The following NF1 variants were observed in gnomAD, a reference collection of about 807,000 sequenced individuals.
NF1 encodes the protein neurofibromin.
A neutral mutation model predicts 325.7 loss-of-function variants in NF1; 122 were observed. The observed-to-expected ratio is 0.37, with a 90% CI of 0.32 to 0.44. The LOEUF is 0.44. Among genes scored for constraint, NF1 ranks in the 20% least tolerant of loss-of-function variants. The pLI is 1.00. For missense variants in NF1, 2,140 were observed against 3,415.4 expected (o/e 0.63, Z 9.31); for synonymous variants, 1,091 against 1,186.0 (o/e 0.92, Z 1.65).
chr17:31,126,423 A>G (rs2143427939), intron 1 of NF1, among the ~76,000 whole-genome samples: 1 of 152,120 alleles, frequency 6.6e-6, no homozygotes. Context: ...ATTGATTCAT[A>G]GCAATTTTTT....
At chr17:31,130,024 G>A (rs1567802698) in intron 1 of NF1, among the ~76,000 whole-genome samples, 1 of 151,540 alleles carries the variant, frequency 6.6e-6, no homozygotes, top group African/African-American at 2.4e-5. Context: ...TCTTGTGTTG[G>A]TGCTTTGTCA....
chr17:31,218,642 G>C (rs2066866090), intron 13 of NF1, among the ~76,000 whole-genome samples: 1 of 151,728 alleles, frequency 6.6e-6, no homozygotes, highest in Admixed American at 6.6e-5. Context: ...TGCAATCTTG[G>C]CTCACTGCAA....
rs530271471 is a variant in NF1 at position 31,135,235 on chromosome 17, G to T, written c.61-20748G>T. 5.3e-5 allele frequency among the ~76,000 whole-genome samples: 8 copies of T among 152,290 alleles called. No homozygotes were observed. In the East Asian group the frequency reaches 1.4e-3, roughly 26 times the overall value. On this transcript the variant is annotated intron_variant, in intron 1 of 57. Coordinates refer to ENST00000358273, the MANE Select transcript of NF1 (RefSeq NM_001042492.3). ...TTGCAGATGTGTCAGTTTTGTGTGT[G>T]TGTTATTAGGTGCATAGAGGCTTAC... is the stretch of plus-strand genomic sequence containing the variant.
chr17:31,321,743 C>CT (rs1171063204), intron 36 of NF1: 2 of 151,464 alleles, frequency 1.3e-5, no homozygotes, highest in Non-Finnish European at 2.9e-5. Context: ...AAAGCTCCAA[C>CT]TTCTCTAGTT....
At chr17:31,325,424 A>C (rs2069316245) in intron 36 of NF1, among the ~76,000 whole-genome samples, 1 of 152,208 alleles carries the variant, frequency 6.6e-6, no homozygotes, top group South Asian at 2.1e-4. Flanking sequence ...TTGCTGAATC[A>C]GTCTGTGATC....
chr17:31,110,176 T>C (rs932290469), intron 1 of NF1, among the ~76,000 whole-genome samples: 30 of 152,154 alleles, frequency 2.0e-4, no homozygotes, highest in African/African-American at 5.8e-4. Flanking sequence ...TGGTATTTAA[T>C]AGGTCACAGT....
intron 35 of NF1, among the ~76,000 whole-genome samples, chr17:31,263,553 TC>T (rs1164661640): frequency 2.0e-5 from 3 of 151,032 alleles, no homozygotes; most frequent in Non-Finnish European, 4.4e-5. Context: ...ACTGAGGACA[TC>T]CTAGCCATTT....
At chr17:31,318,499 A>G (rs370967268) in intron 36 of NF1, 2 of 1,614,006 alleles carry the variant, frequency 1.2e-6, no homozygotes, top group South Asian at 1.1e-5. Flanking sequence ...ACGCTTGCCT[A>G]CTTGTTTTGA....
chr17:31,167,367 G>A (rs1289124515), intron 4 of NF1, among the ~76,000 whole-genome samples: 1 of 152,176 alleles, frequency 6.6e-6, no homozygotes, highest in African/African-American at 2.4e-5. Context: ...GTTAGCTGTA[G>A]TCTAATTAAA....
At chr17:31,211,343 G>A (rs2066725490) in intron 12 of NF1, among the ~76,000 whole-genome samples, 1 of 152,160 alleles carries the variant, frequency 6.6e-6, no homozygotes, top group Non-Finnish European at 1.5e-5. Context: ...AAATTAAAAG[G>A]TATTTGAGAT....
intron 36 of NF1, among the ~76,000 whole-genome samples, chr17:31,286,390 A>G (rs577522128): frequency 6.6e-6 from 1 of 152,266 alleles, no homozygotes; most frequent in South Asian, 2.1e-4. Flanking sequence ...CACCCAGCCT[A>G]TTTTAATATG....
chr17:31,158,108 T>C (rs899166544), intron 2 of NF1, among the ~76,000 whole-genome samples: 1 of 152,222 alleles, frequency 6.6e-6, no homozygotes, highest in Non-Finnish European at 1.5e-5. Context: ...CCGACCCTTC[T>C]TACCTCTAGT....
intron 36 of NF1, among the ~76,000 whole-genome samples, chr17:31,278,933 A>G (rs2068066755): frequency 6.6e-6 from 1 of 152,154 alleles, no homozygotes; most frequent in Non-Finnish European, 1.5e-5. Flanking sequence ...TCTTTTAAAT[A>G]GGACTTCTAA....
At chr17:31,128,454 T>C (rs1422632724) in intron 1 of NF1, 1 of 152,182 alleles carries the variant, frequency 6.6e-6, no homozygotes. Flanking sequence ...TTTTAGTGTC[T>C]GATAATGTTC....
At chr17:31,287,585 G>A (rs1294658356) in intron 36 of NF1, among the ~76,000 whole-genome samples, 3 of 130,574 alleles carry the variant, frequency 2.3e-5, no homozygotes, top group Non-Finnish European at 4.6e-5. Context: ...TGTGACACAG[G>A]GTGTGGCTTT....
chr17:31,337,967 T>G (rs531696163), intron 44 of NF1, 58 bp from the exon 45 acceptor site: 19 of 1,533,780 alleles, frequency 1.2e-5, no homozygotes, highest in Non-Finnish European at 1.7e-5. Context: ...TATAATTTAT[T>G]ATTTAGTATA....
At chr17:31,355,629 T>C (rs2070252504) in intron 51 of NF1, among the ~76,000 whole-genome samples, 1 of 152,128 alleles carries the variant, frequency 6.6e-6, no homozygotes, top group Non-Finnish European at 1.5e-5. Context: ...GCAGGTGGAT[T>C]GCTTGAGCCC....
At chr17:31,273,384 C>G (rs538349622) in intron 36 of NF1, among the ~76,000 whole-genome samples, 78 of 152,152 alleles carry the variant, frequency 5.1e-4, no homozygotes, top group African/African-American at 1.9e-3. Flanking sequence ...TGAACAAAAC[C>G]AACTCCTTCA....
chr17:31,174,398 G>A (rs2065983108), intron 5 of NF1, among the ~76,000 whole-genome samples: 2 of 152,184 alleles, frequency 1.3e-5, no homozygotes, highest in Non-Finnish European at 2.9e-5. Flanking sequence ...GTGAAAGGCA[G>A]CTTGGTAATC....
Sources: gnomAD v4.1 joint callset for allele counts (sites outside exome capture counted in the v4.1 genomes callset) on GRCh38, gnomAD v4.1.1 for gene constraint, MANE v1.5 for transcripts, NCBI Gene and HGNC (gene_info 2026-07-23, HGNC 2026-07-21) for gene names.